The following EPSTI1 variants were observed in gnomAD, a reference collection of about 807,000 sequenced individuals.
EPSTI1 encodes epithelial-stromal interaction protein 1.
In EPSTI1, 66 loss-of-function variants were observed where a neutral mutation model predicts 49.9. That is an observed-to-expected ratio of 1.32 (90% CI 1.08 to 1.62). The LOEUF (loss-of-function observed/expected upper bound fraction) is 1.62. Among genes scored for constraint, EPSTI1 ranks in the 40% most tolerant of loss-of-function variants. The pLI is 0.00. For synonymous variants in EPSTI1, 137 were observed against 130.7 expected (o/e 1.05, Z -0.33); for missense variants, 394 against 365.5 (o/e 1.08, Z -0.64).
At chr13:42,979,601 AAG>A (rs1491244592) in intron 1 of EPSTI1, among the ~76,000 whole-genome samples, 7,029 of 104,484 alleles carry the variant, frequency 0.067, 213 homozygotes, top group African/African-American at 0.078. Flanking sequence ...AAAAAAAAAA[AAG>A]AAAAGAAAAG....
chr13:42,905,574 G>T (rs1039237685), intron 8 of EPSTI1, among the ~76,000 whole-genome samples: 2 of 152,106 alleles, frequency 1.3e-5, no homozygotes, highest in Non-Finnish European at 2.9e-5. Context: ...GACCAAGCTC[G>T]GGACATGAAA....
At chr13:42,909,769 T>TG (rs998587364) in intron 8 of EPSTI1, among the ~76,000 whole-genome samples, 8 of 152,034 alleles carry the variant, frequency 5.3e-5, no homozygotes, top group Non-Finnish European at 7.4e-5. Flanking sequence ...TACCAGAGGC[T>TG]GGGGGGGTTA....
intron 6 of EPSTI1, among the ~76,000 whole-genome samples, chr13:42,948,436 TTTTTTG>T (rs1445663576): frequency 2.0e-5 from 3 of 150,094 alleles, no homozygotes; most frequent in Non-Finnish European, 4.4e-5. Context: ...TTTTTTTTTT[TTTTTTG>T]CTGTTTGTTT....
At chr13:42,982,357 T>G (rs2040001047) in intron 1 of EPSTI1, among the ~76,000 whole-genome samples, 1 of 152,206 alleles carries the variant, frequency 6.6e-6, no homozygotes, top group African/African-American at 2.4e-5. Context: ...CACCCCTTGT[T>G]TAGCATAAAA....
chr13:42,923,153 C>T (rs1185495134), intron 7 of EPSTI1, among the ~76,000 whole-genome samples: 1 of 152,106 alleles, frequency 6.6e-6, no homozygotes, highest in Non-Finnish European at 1.5e-5. Flanking sequence ...GGACTTTGTG[C>T]CTAAGCTAAG....
intron 10 of EPSTI1, among the ~76,000 whole-genome samples, chr13:42,893,559 T>C (rs1224786510): frequency 1.3e-5 from 2 of 152,224 alleles, no homozygotes; most frequent in East Asian, 3.8e-4. Context: ...CTCCTCTCTT[T>C]GATCTGTGAG....
At chr13:42,986,318 G>A (rs2040076923) in intron 1 of EPSTI1, among the ~76,000 whole-genome samples, 1 of 152,214 alleles carries the variant, frequency 6.6e-6, no homozygotes, top group African/African-American at 2.4e-5. Context: ...CTGGGACAGA[G>A]CTCCCCAAAC....
rs181511033 is a variant in EPSTI1 at position 42,928,670 on chromosome 13, C to G, written c.564-2241G>C. Among the ~76,000 whole-genome samples, 20 of 152,324 alleles carry G rather than the reference C, an allele frequency of 1.3e-4. No homozygotes were observed. In the East Asian group the frequency reaches 3.9e-3, roughly 29 times the overall value. Reference sequence around the variant, plus strand: ...TATGGCATATCCTGAAAGGTCCCTTCAGGAAAATCTCGCCTCAACAGAATA... The same window carrying G: ...TATGGCATATCCTGAAAGGTCCCTTGAGGAAAATCTCGCCTCAACAGAATA... On this transcript the variant is annotated intron_variant, in intron 6 of 10. Coordinates refer to ENST00000313624, the MANE Select transcript of EPSTI1 (RefSeq NM_033255.5).
chr13:42,979,776 T>C (rs559421919), intron 1 of EPSTI1, among the ~76,000 whole-genome samples: 1 of 152,298 alleles, frequency 6.6e-6, no homozygotes, highest in South Asian at 2.1e-4. Context: ...CTAAATATTT[T>C]AGCATGTATC....
At chr13:42,951,575 T>G (rs936314646) in intron 6 of EPSTI1, among the ~76,000 whole-genome samples, 1 of 152,232 alleles carries the variant, frequency 6.6e-6, no homozygotes, top group Non-Finnish European at 1.5e-5. Context: ...ACTTCTTTTT[T>G]CTTTATAGAA....
intron 1 of EPSTI1, among the ~76,000 whole-genome samples, chr13:42,990,862 G>T (rs907023420): frequency 3.3e-5 from 5 of 152,174 alleles, no homozygotes; most frequent in African/African-American, 1.2e-4. Flanking sequence ...AAACCATCTG[G>T]ACAGTTCCAA....
rs1382691004 is a variant in EPSTI1 at position 42,888,076 on chromosome 13, G to A, written c.*418C>T. 6 of 594,506 alleles carry A rather than the reference G, an allele frequency of 1.0e-5. No homozygotes were observed. The highest frequency in any genetic ancestry group is 1.7e-5 in the Non-Finnish European group (6 of 354,246). 36.8% of individuals were successfully genotyped at this position (594,506 alleles called of 1,614,324 possible). On this transcript the variant is annotated 3_prime_UTR_variant, in exon 11 of 11. Coordinates refer to ENST00000313624, the MANE Select transcript of EPSTI1 (RefSeq NM_033255.5). ...ACATATTTGTACCATAAAGAAAGTAGGGATTAAAATCTAAAAAGACCCCCA... is the reference window on the plus strand; with the variant it reads ...ACATATTTGTACCATAAAGAAAGTAAGGATTAAAATCTAAAAAGACCCCCA...
intron 10 of EPSTI1, among the ~76,000 whole-genome samples, chr13:42,889,986 A>C (rs2036980699): frequency 6.6e-6 from 1 of 152,206 alleles, no homozygotes; most frequent in Non-Finnish European, 1.5e-5. Context: ...TTGTCCCCAC[A>C]GCATTTGCCA....
At chr13:42,978,544 T>C (rs1274424761) in intron 1 of EPSTI1, among the ~76,000 whole-genome samples, 1 of 152,218 alleles carries the variant, frequency 6.6e-6, no homozygotes, top group Non-Finnish European at 1.5e-5. Context: ...GCTTGACTTT[T>C]CCCTTTAGCT....
chr13:42,963,948 G>C, intron 4 of EPSTI1, 118 bp downstream of exon 4: 1 of 816,466 alleles, frequency 1.2e-6, no homozygotes, highest in East Asian at 2.9e-5. Flanking sequence ...GCTGCCTTTT[G>C]CAACTGGTTG....
At chr13:42,897,099 CAA>C (rs200789783) in intron 9 of EPSTI1, among the ~76,000 whole-genome samples, 17,533 of 121,892 alleles carry the variant, frequency 0.14, 1,095 homozygotes, top group South Asian at 0.23. Flanking sequence ...AACTCTGTCT[CAA>C]AAAAAAAAAA....
At chr13:42,889,090 C>T (rs2036951798) in intron 10 of EPSTI1, 1 of 801,388 alleles carries the variant, frequency 1.2e-6, no homozygotes. Flanking sequence ...CCTCATTGGT[C>T]ATAGGAAATG....
At chr13:42,934,884 C>A in intron 6 of EPSTI1, 1 of 196,332 alleles carries the variant, frequency 5.1e-6, no homozygotes, top group Non-Finnish European at 1.1e-5. Context: ...AAAGAAGAAA[C>A]AAGAATGGAA....
chr13:42,921,780 A>G (rs371314252), intron 7 of EPSTI1, among the ~76,000 whole-genome samples: 3 of 152,174 alleles, frequency 2.0e-5, no homozygotes, highest in Non-Finnish European at 1.5e-5. Context: ...GTGTTAAAGG[A>G]AAGTCCCAGA....
Sources: gnomAD v4.1 joint callset for allele counts (sites outside exome capture counted in the v4.1 genomes callset) on GRCh38, gnomAD v4.1.1 for gene constraint, MANE v1.5 for transcripts, NCBI Gene and HGNC (gene_info 2026-07-23, HGNC 2026-07-21) for gene names.